Variants in NIBAN1 observed in about 807,000 individuals in gnomAD.
The protein encoded by NIBAN1 is protein Niban 1.
Under a neutral mutation model 75.1 loss-of-function variants are expected in NIBAN1, and 81 were observed. That is an observed-to-expected ratio of 1.08 (90% CI 0.90 to 1.30). The LOEUF (loss-of-function observed/expected upper bound fraction) is 1.30, where lower values mean the gene tolerates loss of function less well. NIBAN1 is among the 50% of genes most tolerant of loss of function. NIBAN1 has a pLI of 0.00. For missense variants in NIBAN1, 1,133 were observed against 1,128.1 expected, an observed-to-expected ratio of 1.00 and a Z score of -0.06; for synonymous variants, 436 against 424.8, an observed-to-expected ratio of 1.03 and a Z score of -0.32.
intron 1 of NIBAN1, among the ~76,000 whole-genome samples, chr1:184,950,230 T>G (rs891373772): frequency 6.6e-6 from 1 of 152,164 alleles, no homozygotes; most frequent in Non-Finnish European, 1.5e-5. Flanking sequence ...TCTATTATCT[T>G]AACGATGAAC....
chr1:184,962,700 A>G (rs1658679993), intron 1 of NIBAN1, among the ~76,000 whole-genome samples: 1 of 152,150 alleles, frequency 6.6e-6, no homozygotes, highest in Admixed American at 6.5e-5. Flanking sequence ...AAGATTCAGG[A>G]GCCAACTTGA....
chr1:184,912,724 C>T (rs1324860348), intron 1 of NIBAN1, among the ~76,000 whole-genome samples: 3 of 152,214 alleles, frequency 2.0e-5, no homozygotes, highest in Non-Finnish European at 2.9e-5. Context: ...TATGGAAAAA[C>T]AATGCTGGCA....
chr1:184,825,089 A>G (rs1279066071), intron 6 of NIBAN1, among the ~76,000 whole-genome samples: 1 of 152,232 alleles, frequency 6.6e-6, no homozygotes, highest in African/African-American at 2.4e-5. Flanking sequence ...AGTGACCCCT[A>G]TTGAGAGGGC....
intron 5 of NIBAN1, among the ~76,000 whole-genome samples, chr1:184,880,488 A>G (rs1297647787): frequency 6.6e-6 from 1 of 152,126 alleles, no homozygotes; most frequent in African/African-American, 2.4e-5. Context: ...GATCCTGCCC[A>G]TCTTCCTCTC....
chr1:184,907,857 GC>G (rs1443811409), intron 1 of NIBAN1, among the ~76,000 whole-genome samples: 1 of 152,156 alleles, frequency 6.6e-6, no homozygotes. Flanking sequence ...CCTTGATTCT[GC>G]AGCCTACCCT....
At chr1:184,831,053 G>A (rs192253991) in intron 6 of NIBAN1, among the ~76,000 whole-genome samples, 95 of 151,664 alleles carry the variant, frequency 6.3e-4, no homozygotes, top group Non-Finnish European at 8.7e-4. Flanking sequence ...AAATATGCCC[G>A]TACCCAGCCT....
At chr1:184,939,528 T>G (rs1304978204) in intron 1 of NIBAN1, among the ~76,000 whole-genome samples, 1 of 152,204 alleles carries the variant, frequency 6.6e-6, no homozygotes, top group Non-Finnish European at 1.5e-5. Flanking sequence ...TTAGTTCCCT[T>G]TCTGGAATTC....
chr1:184,890,666 T>C (rs1656644672), intron 3 of NIBAN1, among the ~76,000 whole-genome samples: 1 of 152,234 alleles, frequency 6.6e-6, no homozygotes. Context: ...GTGGAACACG[T>C]AGCTGCAATG....
At chr1:184,872,815 G>T (rs1325168219) in intron 5 of NIBAN1, among the ~76,000 whole-genome samples, 1 of 152,002 alleles carries the variant, frequency 6.6e-6, no homozygotes, top group Non-Finnish European at 1.5e-5. Context: ...AGGAAATAAT[G>T]GCTGAGAATT....
At chr1:184,866,673 C>G (rs1032849351) in intron 5 of NIBAN1, among the ~76,000 whole-genome samples, 1 of 152,024 alleles carries the variant, frequency 6.6e-6, no homozygotes, top group Non-Finnish European at 1.5e-5. Flanking sequence ...ATGAAGAGAA[C>G]AGTACTGTGT....
At chr1:184,863,557 T>C (rs1378935829) in intron 5 of NIBAN1, among the ~76,000 whole-genome samples, 1 of 152,246 alleles carries the variant, frequency 6.6e-6, no homozygotes, top group Non-Finnish European at 1.5e-5. Context: ...AGAATCTAGA[T>C]TGCCTACATT....
intron 1 of NIBAN1, among the ~76,000 whole-genome samples, chr1:184,951,108 T>C (rs1658347531): frequency 6.6e-6 from 1 of 152,192 alleles, no homozygotes; most frequent in Non-Finnish European, 1.5e-5. Flanking sequence ...AGTGACATTG[T>C]ATGCAAGAGT....
chr1:184,934,527 G>A (rs1213658948), intron 1 of NIBAN1, among the ~76,000 whole-genome samples: 1 of 152,138 alleles, frequency 6.6e-6, no homozygotes, highest in Non-Finnish European at 1.5e-5. Context: ...ACTTTGGGAG[G>A]CCAAGGTAGG....
intron 1 of NIBAN1, among the ~76,000 whole-genome samples, chr1:184,935,112 T>C (rs1415476653): frequency 6.6e-6 from 1 of 151,514 alleles, no homozygotes; most frequent in East Asian, 2.0e-4. Context: ...TAGACCATCA[T>C]TTAATAGCAG....
intron 5 of NIBAN1, among the ~76,000 whole-genome samples, chr1:184,865,889 C>T (rs548587203): frequency 2.7e-4 from 41 of 152,262 alleles, no homozygotes; most frequent in African/African-American, 8.9e-4. Flanking sequence ...AGTAACTGCA[C>T]AGATAGTCAA....
intron 5 of NIBAN1, among the ~76,000 whole-genome samples, chr1:184,871,270 C>G (rs1239955677): frequency 7.0e-6 from 1 of 143,246 alleles, no homozygotes; most frequent in Non-Finnish European, 1.5e-5. Context: ...TCACTTGAAC[C>G]TGGGAGGTGG....
In NIBAN1 at chr1:184,808,551, A is replaced by G. The variant is rs1471729584; in HGVS notation, c.1174-316T>C. On this transcript the variant is annotated intron_variant, in intron 9 of 13. Transcript: ENST00000367511. ...TAATCTCCCACTTCCAGAGCTCAAG[A>G]ACCAGACAGGTAGGCTCTGATACGT... Among the ~76,000 whole-genome samples, 4 of 152,230 alleles carry G rather than the reference A, an allele frequency of 2.6e-5. No homozygotes were observed. In the East Asian group the frequency reaches 7.7e-4, roughly 29 times the overall value.
At chr1:184,831,319 A>G (rs1654993736) in intron 6 of NIBAN1, among the ~76,000 whole-genome samples, 1 of 152,224 alleles carries the variant, frequency 6.6e-6, no homozygotes, top group African/African-American at 2.4e-5. Flanking sequence ...TACTTCATTT[A>G]CATATAATTC....
In NIBAN1 at chr1:184,795,048, A is replaced by G. The variant is rs918405979; in HGVS notation, c.2716T>C (p.Ser906Pro). The G allele has an allele frequency of 6.2e-7, 1 of 1,613,876 alleles. No individual in the cohort carries two copies. Among genetic ancestry groups the G allele is most frequent in the African/African-American group, 1.3e-5 (1 of 75,042 alleles). The change falls in exon 14 of 14, where the codon TCA becomes CCA. Residue 906 changes from serine (S) to proline (P), a missense_variant. Ser to Pro is a moderately conservative substitution (Grantham distance 74). Coordinates refer to ENST00000367511, the MANE Select transcript of NIBAN1 (RefSeq NM_052966.4). ...CCCTCCTTCACGTCATCTTTGTGTG[A>G]CAGCAGGACATCCGGGTTTGGAGCA... is the stretch of plus-strand genomic sequence containing the variant. ...EDAPNPDVLL[S>P]HKDDVKEGEG...
Sources: gnomAD v4.1 joint callset for allele counts (sites outside exome capture counted in the v4.1 genomes callset) on GRCh38, gnomAD v4.1.1 for gene constraint, MANE v1.5 for transcripts, NCBI Gene and HGNC (gene_info 2026-07-23, HGNC 2026-07-21) for gene names.